Variants in TBC1D19 observed in about 807,000 individuals in gnomAD.
The protein encoded by TBC1D19 is TBC1 domain family, member 19.
In TBC1D19, 60 loss-of-function variants were observed where a neutral mutation model predicts 89.0. That is an observed-to-expected ratio of 0.67 (90% CI 0.55 to 0.84). TBC1D19 has a LOEUF of 0.84. Ranked by LOEUF, TBC1D19 falls within the 40% of genes least tolerant of loss-of-function variation. The probability of loss-of-function intolerance (pLI) is 0.00; values close to 1 mark genes in which losing one functional copy is unlikely to be tolerated. For missense variants in TBC1D19, 500 were observed against 610.8 expected, an observed-to-expected ratio of 0.82 and a Z score of 1.91; for synonymous variants, 189 against 199.7, an observed-to-expected ratio of 0.95 and a Z score of 0.45.
intron 4 of TBC1D19, among the ~76,000 whole-genome samples, chr4:26,627,716 C>T (rs1473766836): frequency 1.7e-4 from 26 of 151,954 alleles, no homozygotes; most frequent in African/African-American, 1.5e-4. Flanking sequence ...TCATGTCCTT[C>T]GCCCACTTTT....
At chr4:26,744,134 T>C (rs180723629) in intron 18 of TBC1D19, among the ~76,000 whole-genome samples, 66 of 151,796 alleles carry the variant, frequency 4.3e-4, no homozygotes, top group Non-Finnish European at 6.5e-4. Flanking sequence ...TTTATGTCTT[T>C]TACTAGGTTA....
At chr4:26,637,642 G>C (rs910877493) in intron 5 of TBC1D19, among the ~76,000 whole-genome samples, 1 of 152,112 alleles carries the variant, frequency 6.6e-6, no homozygotes, top group African/African-American at 2.4e-5. Context: ...AAAGTGCTGG[G>C]ATTACAGATG....
In TBC1D19 at chr4:26,584,107, T is replaced by C. The variant is rs962563320; in HGVS notation, c.-87T>C. The C allele has an allele frequency of 6.1e-6, 8 of 1,319,958 alleles. No homozygotes were observed. In the Admixed American group the frequency reaches 1.0e-4, roughly 17 times the overall value. The allele number at this position is 1,319,958 out of a possible 1,614,324, so 81.8% of individuals were successfully genotyped here. ...CCAGTGTAATAAGGTCCCGGAGAAG[T>C]GTCACTGGCCCTGAGTGGGACCCGG... is the stretch of plus-strand genomic sequence containing the variant. On this transcript the variant is annotated 5_prime_UTR_variant, in exon 1 of 21. Transcript: ENST00000264866.
chr4:26,710,036 T>A (rs910446218), intron 13 of TBC1D19, among the ~76,000 whole-genome samples: 6 of 152,082 alleles, frequency 3.9e-5, no homozygotes, highest in Non-Finnish European at 8.8e-5. Context: ...TGTTTTTTTT[T>A]ATTTTTTATT....
intron 4 of TBC1D19, among the ~76,000 whole-genome samples, chr4:26,628,698 A>G (rs370997191): frequency 3.2e-4 from 48 of 152,206 alleles, no homozygotes; most frequent in Middle Eastern, 3.4e-3. Context: ...AATCACAAGC[A>G]TTCTTATACA....
At chr4:26,590,113 T>G (rs1295692853) in intron 1 of TBC1D19, among the ~76,000 whole-genome samples, 2 of 152,230 alleles carry the variant, frequency 1.3e-5, no homozygotes, top group Non-Finnish European at 1.5e-5. Context: ...TACTGTCTTG[T>G]ATGGTAGCTT....
At chr4:26,818,876 C>G in the TBC1D19 span, among the ~76,000 whole-genome samples, 1 of 152,190 alleles carries the variant, frequency 6.6e-6, no homozygotes, top group East Asian at 1.9e-4. Flanking sequence ...GTACTAAAAT[C>G]AAGGACATAA....
the TBC1D19 span, among the ~76,000 whole-genome samples, chr4:26,786,720 G>C: frequency 3.8e-4 from 56 of 147,086 alleles, no homozygotes; most frequent in African/African-American, 1.3e-3. Context: ...TGAACAGGTG[G>C]GTGGATAGGT....
chr4:26,837,643 G>A, the TBC1D19 span, among the ~76,000 whole-genome samples: 265 of 152,252 alleles, frequency 1.7e-3, 1 homozygote, highest in African/African-American at 6.2e-3. Flanking sequence ...TCTATAACTG[G>A]GCAAAGAAGC....
At chr4:26,751,800 G>A (rs1292616364) in intron 19 of TBC1D19, among the ~76,000 whole-genome samples, 2 of 152,204 alleles carry the variant, frequency 1.3e-5, no homozygotes, top group African/African-American at 4.8e-5. Flanking sequence ...AGACCTGGCT[G>A]CTGACTTCTG....
Position 26,640,190 on chromosome 4 carries a change from A to C in TBC1D19, c.480+3A>C. On this transcript the variant is annotated splice_donor_region_variant and intron_variant, in intron 7 of 20. Coordinates refer to ENST00000264866, the MANE Select transcript of TBC1D19 (RefSeq NM_018317.4). ...ATGCACCTAAGGATTTTCTTGAGGT[A>C]GGTTCTATTGGATAAATACACATAT... 1.2e-6 allele frequency: 2 copies of C among 1,602,752 alleles called. No individual in the cohort carries two copies. Among genetic ancestry groups the C allele is most frequent in the Non-Finnish European group, 1.7e-6 (2 of 1,170,542 alleles).
intron 8 of TBC1D19, among the ~76,000 whole-genome samples, chr4:26,661,146 C>T (rs568091531): frequency 3.9e-5 from 6 of 152,092 alleles, no homozygotes; most frequent in Non-Finnish European, 8.8e-5. Flanking sequence ...ACTCCTCCTC[C>T]CCCACAGAAG....
chr4:26,672,283 T>G, intron 10 of TBC1D19, 96 bp downstream of exon 10: 14 of 1,000,968 alleles, frequency 1.4e-5, no homozygotes, highest in Non-Finnish European at 1.7e-5. Context: ...ATTTAATCTC[T>G]GAAAAGTGAA....
the TBC1D19 span, among the ~76,000 whole-genome samples, chr4:26,836,432 G>A: frequency 6.6e-6 from 1 of 152,198 alleles, no homozygotes; most frequent in Non-Finnish European, 1.5e-5. Context: ...GGCAGAGGGA[G>A]GTGGGAATCA....
rs188779335 is a variant in TBC1D19, at chr4:26,599,175, G to C, written c.100-13994G>C. ...TATCTTTAAAAATAATCTTGGACTTGTAAGAGAATCTGTGATACCAACTTT... is the reference window on the plus strand; with the variant it reads ...TATCTTTAAAAATAATCTTGGACTTCTAAGAGAATCTGTGATACCAACTTT... On this transcript the variant is annotated intron_variant, in intron 1 of 20. Transcript: ENST00000264866. 7.6e-3 allele frequency among the ~76,000 whole-genome samples: 1,153 copies of C among 152,220 alleles called. 5 individuals carry two copies. The highest frequency in any genetic ancestry group is 0.012 in the Non-Finnish European group (824 of 68,016).
At chr4:26,667,158 T>TTTATA in intron 9 of TBC1D19, among the ~76,000 whole-genome samples, 1 of 152,026 alleles carries the variant, frequency 6.6e-6, no homozygotes, top group Non-Finnish European at 1.5e-5. Context: ...ATACTATATG[T>TTTATA]TGCATCTATA....
chr4:26,711,903 C>G (rs892301021), intron 13 of TBC1D19, among the ~76,000 whole-genome samples: 14 of 151,958 alleles, frequency 9.2e-5, no homozygotes, highest in African/African-American at 3.4e-4. Context: ...GATTGCACAC[C>G]AGTACGTACT....
intron 12 of TBC1D19, among the ~76,000 whole-genome samples, chr4:26,684,743 AAG>A (rs1227174623): frequency 1.3e-5 from 2 of 152,218 alleles, no homozygotes; most frequent in Non-Finnish European, 2.9e-5. Flanking sequence ...TGGGAAAAAG[AAG>A]ATTACATATT....
At chr4:26,836,705 A>T in the TBC1D19 span, among the ~76,000 whole-genome samples, 1 of 152,164 alleles carries the variant, frequency 6.6e-6, no homozygotes, top group East Asian at 1.9e-4. Context: ...TGCAGGGAGG[A>T]GGAGAATTCC....
Sources: gnomAD v4.1 joint callset for allele counts (sites outside exome capture counted in the v4.1 genomes callset) on GRCh38, gnomAD v4.1.1 for gene constraint, MANE v1.5 for transcripts, NCBI Gene and HGNC (gene_info 2026-07-23, HGNC 2026-07-21) for gene names.